FGGY: variants seen among roughly 807,000 people sequenced by gnomAD.
FGGY encodes the protein FGGY carbohydrate kinase domain containing.
In FGGY, 72 loss-of-function variants were observed where a neutral mutation model predicts 71.3. The ratio of observed to expected loss-of-function variants is 1.01; its 90% CI spans 0.84 to 1.23. The LOEUF is 1.23. Among genes scored for constraint, FGGY ranks in the 50% most tolerant of loss-of-function variants. The probability of loss-of-function intolerance (pLI) is 0.00; values close to 1 mark genes in which losing one functional copy is unlikely to be tolerated. For synonymous variants in FGGY, 251 were observed against 250.3 expected (o/e 1.00, Z -0.02); for missense variants, 668 against 682.3 (o/e 0.98, Z 0.23).
chr1:59,484,890 G>A (rs2153574257), intron 6 of FGGY, among the ~76,000 whole-genome samples: 1 of 152,206 alleles, frequency 6.6e-6, no homozygotes, highest in East Asian at 1.9e-4. Flanking sequence ...TCAAAAGAAA[G>A]AGTGGTTTTA....
At chr1:59,537,468 G>A (rs1360372534) in intron 7 of FGGY, among the ~76,000 whole-genome samples, 1 of 152,134 alleles carries the variant, frequency 6.6e-6, no homozygotes, top group Non-Finnish European at 1.5e-5. Context: ...AGCTACCAAT[G>A]ACTTTCTTCA....
At chr1:59,389,960 A>G (rs373806936) in intron 5 of FGGY, among the ~76,000 whole-genome samples, 65 of 152,148 alleles carry the variant, frequency 4.3e-4, no homozygotes, top group Middle Eastern at 3.2e-3. Context: ...GAGTAAGGGG[A>G]GAAGCACAGT....
At chr1:59,304,921 A>G (rs1418788716) in intron 1 of FGGY, among the ~76,000 whole-genome samples, 1 of 152,102 alleles carries the variant, frequency 6.6e-6, no homozygotes, top group Non-Finnish European at 1.5e-5. Context: ...TTTATTCTAC[A>G]GCTTTATTGA....
intron 4 of FGGY, among the ~76,000 whole-genome samples, chr1:59,351,620 T>C (rs116013516): frequency 0.024 from 3,718 of 152,304 alleles, 173 homozygotes; most frequent in African/African-American, 0.085. Context: ...AGTACATATT[T>C]TCTGAATAAT....
At chr1:59,494,785 G>T (rs2093981251) in intron 6 of FGGY, among the ~76,000 whole-genome samples, 1 of 152,128 alleles carries the variant, frequency 6.6e-6, no homozygotes, top group South Asian at 2.1e-4. Context: ...ACACTTTGGG[G>T]TACTAGAGGT....
chr1:59,748,352 T>C (rs2098217375), intron 14 of FGGY, among the ~76,000 whole-genome samples: 1 of 152,034 alleles, frequency 6.6e-6, no homozygotes, highest in Non-Finnish European at 1.5e-5. Context: ...TTTAGGAGAG[T>C]GCACTGCTTC....
At chr1:59,722,008 A>T (rs989366982) in intron 14 of FGGY, among the ~76,000 whole-genome samples, 2 of 152,150 alleles carry the variant, frequency 1.3e-5, no homozygotes, top group African/African-American at 4.8e-5. Context: ...CTTAGATTTT[A>T]CCTAACATCC....
chr1:59,696,961 T>C (rs1405839207), intron 14 of FGGY, among the ~76,000 whole-genome samples: 1 of 148,722 alleles, frequency 6.7e-6, no homozygotes, highest in African/African-American at 2.5e-5. Flanking sequence ...CAAGCATCCA[T>C]ATGAAACACG....
Position 59,379,454 on chromosome 1 carries a change from A to G in FGGY, c.554+617A>G, listed in dbSNP as rs766077808. On this transcript the variant is annotated intron_variant, in intron 5 of 15. Coordinates refer to ENST00000303721, the MANE Select transcript of FGGY (RefSeq NM_018291.5). The stretch of plus-strand genomic sequence containing the variant: ...ATAGAAAAGATATCATAAAAATACA[A>G]TGTAAAAGATAAAAAGTAGTATACT... Among the ~76,000 whole-genome samples, 5 of 152,156 alleles carry G rather than the reference A, an allele frequency of 3.3e-5. 1 individual carries two copies. The South Asian group carries it at 8.3e-4, about 25-fold the overall frequency.
intron 8 of FGGY, among the ~76,000 whole-genome samples, chr1:59,565,658 A>G (rs932926279): frequency 6.6e-6 from 1 of 152,166 alleles, no homozygotes; most frequent in Non-Finnish European, 1.5e-5. Context: ...AAGCAGAATG[A>G]TGAGACACAG....
intron 7 of FGGY, among the ~76,000 whole-genome samples, chr1:59,552,226 G>T (rs1040220676): frequency 6.6e-6 from 1 of 152,198 alleles, no homozygotes; most frequent in African/African-American, 2.4e-5. Context: ...CAGAAGAGAA[G>T]TAGATAGGCT....
intron 5 of FGGY, among the ~76,000 whole-genome samples, chr1:59,397,036 C>CTTT (rs59388353): frequency 7.0e-6 from 1 of 142,784 alleles, no homozygotes. Flanking sequence ...CTTGAGTCTG[C>CTTT]TTTTTTTTTT....
At chr1:59,533,921 C>T (rs1377967788) in intron 7 of FGGY, among the ~76,000 whole-genome samples, 2 of 152,206 alleles carry the variant, frequency 1.3e-5, no homozygotes, top group East Asian at 1.9e-4. Context: ...AAACGCAGAG[C>T]GCCTCTCCTC....
At chr1:59,759,004 G>C (rs76199258) in intron 15 of FGGY, among the ~76,000 whole-genome samples, 102 of 152,294 alleles carry the variant, frequency 6.7e-4, no homozygotes, top group African/African-American at 2.3e-3. Context: ...AGAGGGTCCA[G>C]ATAAAAGGCT....
At position 59,491,955 on chromosome 1, in the gene FGGY, G is replaced by A. The variant is rs180794531; in HGVS notation, c.671-20356G>A. ...TCGTTCTTATTGGAGTCAATGAATT[G>A]GGCTCTGTCATTTGTTGAGATATCA... On this transcript the variant is annotated intron_variant, in intron 6 of 15. Coordinates refer to ENST00000303721, the MANE Select transcript of FGGY (RefSeq NM_018291.5). Among the ~76,000 whole-genome samples the A allele has an allele frequency of 4.1e-3, 617 of 152,130 alleles. 18 individuals are homozygous for A. The highest frequency in any genetic ancestry group is 1.3e-3 in the Non-Finnish European group (91 of 67,974).
chr1:59,728,224 C>A (rs2097973548), intron 14 of FGGY, among the ~76,000 whole-genome samples: 1 of 151,730 alleles, frequency 6.6e-6, no homozygotes, highest in Admixed American at 6.6e-5. Flanking sequence ...TAGTAATGTC[C>A]CTAATGTTTG....
intron 14 of FGGY, among the ~76,000 whole-genome samples, chr1:59,693,654 GAGA>G (rs927017417): frequency 1.3e-5 from 2 of 152,054 alleles, no homozygotes; most frequent in South Asian, 2.1e-4. Flanking sequence ...GAAGAGGAAG[GAGA>G]AGAAGAGGAA....
At chr1:59,494,317 T>C (rs1387708439) in intron 6 of FGGY, among the ~76,000 whole-genome samples, 1 of 152,058 alleles carries the variant, frequency 6.6e-6, no homozygotes, top group African/African-American at 2.4e-5. Flanking sequence ...GACTTCAGAG[T>C]TGTGACATCA....
chr1:59,300,670 A>G lies in FGGY; in HGVS notation c.-15+3520A>G, dbSNP rs2042615447. Among the ~76,000 whole-genome samples, 4 of 150,190 alleles carry G rather than the reference A, an allele frequency of 2.7e-5. No homozygotes were observed. The South Asian group carries it at 8.6e-4, about 32-fold the overall frequency. On this transcript the variant is annotated intron_variant, in intron 1 of 15. Transcript: ENST00000303721. The stretch of plus-strand genomic sequence containing the variant: ...TTTTAAGGTAATTTTTGTATAGGAC[A>G]TGAAATATGGAATCAAGTTTTTTTT...
Sources: allele counts gnomAD v4.1 joint callset (sites outside exome capture counted in the v4.1 genomes callset), GRCh38; gene constraint gnomAD v4.1.1; transcripts MANE v1.5; gene names NCBI Gene and HGNC (gene_info 2026-07-23, HGNC 2026-07-21).